Variants in PKD1L3 observed in about 807,000 individuals in gnomAD.
PKD1L3 encodes polycystin-1-like protein 3.
A neutral mutation model predicts 184.1 loss-of-function variants in PKD1L3; 239 were observed. The observed-to-expected ratio is 1.30, with a 90% confidence interval of 1.17 to 1.45. The LOEUF (loss-of-function observed/expected upper bound fraction) is 1.45, where lower values mean the gene tolerates loss of function less well. PKD1L3 is among the 40% of genes most tolerant of loss of function. PKD1L3 has a pLI of 0.00. For missense variants in PKD1L3, 2,660 were observed against 2,067.2 expected (o/e 1.29, Z -5.56); for synonymous variants, 996 against 778.8 (o/e 1.28, Z -4.64).
chr16:71,934,865 G>A (rs915557396), intron 26 of PKD1L3, among the ~76,000 whole-genome samples: 6 of 152,152 alleles, frequency 3.9e-5, no homozygotes, highest in Admixed American at 3.9e-4. Flanking sequence ...GGCAACACTT[G>A]GCATGGGAAA....
chr16:71,941,975 C>T (rs1467820810), intron 24 of PKD1L3, among the ~76,000 whole-genome samples: 2 of 151,754 alleles, frequency 1.3e-5, no homozygotes, highest in East Asian at 3.9e-4. Flanking sequence ...CAGCATAATA[C>T]TTTTTAACAC....
At chr16:71,939,598 A>C (rs1597284284) in intron 24 of PKD1L3, among the ~76,000 whole-genome samples, 1 of 152,190 alleles carries the variant, frequency 6.6e-6, no homozygotes, top group South Asian at 2.1e-4. Context: ...TTTTGTTAGT[A>C]ACTAAAAACC....
intron 16 of PKD1L3, among the ~76,000 whole-genome samples, chr16:71,957,479 G>GA (rs747042350): frequency 3.1e-4 from 47 of 152,162 alleles, no homozygotes; most frequent in Non-Finnish European, 5.9e-4. Context: ...ACATAATTTA[G>GA]ATATGAAGAC....
At chr16:71,951,074 A>G (rs2143368580) in intron 19 of PKD1L3, among the ~76,000 whole-genome samples, 1 of 144,808 alleles carries the variant, frequency 6.9e-6, no homozygotes, top group Non-Finnish European at 1.5e-5. Context: ...GACAGAGCCT[A>G]TGTTGCCCAA....
Position 71,947,595 on chromosome 16 carries a change from G to C in PKD1L3, c.3619-4C>G. ...ATAAGAATGTGAAGAAGACCACCTG[G>C]GCAGGAGAATCACAGAACATCGTGA... On this transcript the variant is annotated splice_polypyrimidine_tract_variant and splice_region_variant and intron_variant, in intron 21 of 29. Coordinates refer to ENST00000620267, the MANE Select transcript of PKD1L3 (RefSeq NM_181536.2). 2 of 1,519,392 alleles carry C rather than the reference G, an allele frequency of 1.3e-6. No homozygotes were observed. The highest frequency in any genetic ancestry group is 1.8e-6 in the Non-Finnish European group (2 of 1,119,042). 94.1% of individuals were successfully genotyped at this position (1,519,392 alleles called of 1,614,324 possible).
At chr16:71,948,988 C>A in intron 21 of PKD1L3, among the ~76,000 whole-genome samples, 1 of 151,800 alleles carries the variant, frequency 6.6e-6, no homozygotes, top group East Asian at 1.9e-4. Flanking sequence ...ACAGAACAGT[C>A]TGTATCTTTT....
At chr16:71,974,890 G>A (rs994763149) in intron 11 of PKD1L3, among the ~76,000 whole-genome samples, 1 of 150,806 alleles carries the variant, frequency 6.6e-6, no homozygotes. Flanking sequence ...ATGGAAGGTG[G>A]TCATGACGGG....
At chr16:71,939,737 T>C (rs2038297110) in intron 24 of PKD1L3, among the ~76,000 whole-genome samples, 1 of 152,134 alleles carries the variant, frequency 6.6e-6, no homozygotes, top group South Asian at 2.1e-4. Context: ...GGAAGGATAC[T>C]TGTGAGCCAA....
At chr16:71,945,267 T>C (rs945562871) in intron 22 of PKD1L3, among the ~76,000 whole-genome samples, 11 of 28,516 alleles carry the variant, frequency 3.9e-4, no homozygotes, top group South Asian at 2.8e-3. Context: ...ATTTCTTAAC[T>C]ATATATATAT....
rs551820151 is a variant in PKD1L3 at position 71,958,714 on chromosome 16, G to T, written c.2613-4413C>A. 4.1e-3 allele frequency among the ~76,000 whole-genome samples: 619 copies of T among 149,610 alleles called. 7 individuals are homozygous for T. The highest frequency in any genetic ancestry group is 0.014 in the African/African-American group (576 of 40,540). Reference sequence around the variant, plus strand: ...GAGAATCACTTGAATCCAGGAGGCGGAGGTTGCAGTGAGCCGAGATCATGT... The same window carrying T: ...GAGAATCACTTGAATCCAGGAGGCGTAGGTTGCAGTGAGCCGAGATCATGT... On this transcript the variant is annotated intron_variant, in intron 16 of 29. Coordinates refer to ENST00000620267, the MANE Select transcript of PKD1L3 (RefSeq NM_181536.2).
intron 3 of PKD1L3, among the ~76,000 whole-genome samples, chr16:71,990,843 A>C (rs972197924): frequency 2.0e-5 from 3 of 152,160 alleles, no homozygotes; most frequent in African/African-American, 7.2e-5. Context: ...AGGAAAGCAC[A>C]GCCCTGAAAA....
chr16:71,997,457 A>C (rs920130604), intron 2 of PKD1L3, among the ~76,000 whole-genome samples: 2 of 151,736 alleles, frequency 1.3e-5, no homozygotes, highest in Admixed American at 1.3e-4. Context: ...TCCACATAAA[A>C]AAATAAATAG....
chr16:71,968,630 A>G lies in PKD1L3; in HGVS notation c.2185-623T>C, dbSNP rs184978150. Among the ~76,000 whole-genome samples, 68 of 152,216 alleles carry G rather than the reference A, an allele frequency of 4.5e-4. 1 individual carries two copies. Among genetic ancestry groups the G allele is most frequent in the African/African-American group, 1.4e-3 (58 of 41,534 alleles). On this transcript the variant is annotated intron_variant, in intron 13 of 29. Coordinates refer to ENST00000620267, the MANE Select transcript of PKD1L3 (RefSeq NM_181536.2). ...TTATTTTTTGAGACGGAGTCTTGCT[A>G]TGTTGCCCAGGCTGGAGTGCAGTGG...
intron 12 of PKD1L3, among the ~76,000 whole-genome samples, chr16:71,972,413 A>C (rs572316165): frequency 2.2e-4 from 33 of 152,040 alleles, no homozygotes; most frequent in South Asian, 1.0e-3. Context: ...AGTAATCATC[A>C]TCATCCTCCT....
In PKD1L3 at chr16:71,974,673, G is replaced by C. The variant is rs113408457; in HGVS notation, c.1760-1156C>G. ...CGCTCCACCCTGGGCGACACAGTGA[G>C]CCTGTCTCAAAACAGAAACAGAAAC... On this transcript the variant is annotated intron_variant, in intron 11 of 29. Transcript: ENST00000620267. 6.8e-3 allele frequency among the ~76,000 whole-genome samples: 1,036 copies of C among 152,306 alleles called. 9 individuals are homozygous for C. Among genetic ancestry groups the C allele is most frequent in the Middle Eastern group, 0.048 (14 of 294 alleles).
chr16:71,947,637 C>G (rs1412225187), intron 21 of PKD1L3, 46 bp from the exon 22 acceptor site: 1 of 1,297,686 alleles, frequency 7.7e-7, no homozygotes, highest in Non-Finnish European at 1.1e-6. Context: ...ATTACAGACC[C>G]AGGAAGATAA....
rs193020646 is a variant in PKD1L3 at position 71,938,577 on chromosome 16, G to T, written c.4325-1158C>A. ...ACTAACTCAATTGAGAACTTATGGC[G>T]CTTCTTCTGGGCCCACCCATGGCTG... On this transcript the variant is annotated intron_variant, in intron 24 of 29. Transcript: ENST00000620267. Among the ~76,000 whole-genome samples the T allele has an allele frequency of 3.8e-3, 585 of 152,324 alleles. 1 individual carries two copies. Among genetic ancestry groups the T allele is most frequent in the Middle Eastern group, 0.014 (4 of 294 alleles).
At chr16:71,956,212 A>C (rs1454164939) in intron 16 of PKD1L3, among the ~76,000 whole-genome samples, 3 of 46,048 alleles carry the variant, frequency 6.5e-5, no homozygotes, top group Non-Finnish European at 1.0e-4. Context: ...TTTTTTTGTG[A>C]GATGGAGTTT....
intron 16 of PKD1L3, among the ~76,000 whole-genome samples, chr16:71,960,499 A>G (rs2039235252): frequency 6.6e-6 from 1 of 152,160 alleles, no homozygotes; most frequent in South Asian, 2.1e-4. Flanking sequence ...AATGGAATTT[A>G]AGATACAAAG....
Sources: allele counts gnomAD v4.1 joint callset (sites outside exome capture counted in the v4.1 genomes callset), GRCh38; gene constraint gnomAD v4.1.1; transcripts MANE v1.5; gene names NCBI Gene and HGNC (gene_info 2026-07-23, HGNC 2026-07-21).